KMT5B: variants seen among roughly 807,000 people sequenced by gnomAD.
The protein encoded by KMT5B is histone-lysine N-methyltransferase KMT5B.
KMT5B carries 10 observed loss-of-function variants against 83.2 expected under a neutral mutation model. The observed-to-expected ratio is 0.12, with a 90% CI of 0.07 to 0.20. KMT5B has a LOEUF of 0.20. Among genes scored for constraint, KMT5B ranks in the 10% least tolerant of loss-of-function variants. KMT5B has a pLI of 1.00. For synonymous variants in KMT5B, 349 were observed against 388.8 expected (o/e 0.90, Z 1.20); for missense variants, 753 against 1,067.2 (o/e 0.71, Z 4.10).
chr11:68,199,623 T>C (rs1859165555), intron 1 of KMT5B, among the ~76,000 whole-genome samples: 1 of 152,186 alleles, frequency 6.6e-6, no homozygotes, highest in Non-Finnish European at 1.5e-5. Flanking sequence ...TAAAGGACCA[T>C]GCTGGCAGCT....
intron 1 of KMT5B, among the ~76,000 whole-genome samples, chr11:68,200,676 A>G (rs1252799282): frequency 6.6e-6 from 1 of 152,200 alleles, no homozygotes; most frequent in Non-Finnish European, 1.5e-5. Context: ...CGCTTATAGG[A>G]TCTGTGTTAA....
At chr11:68,179,403 T>C (rs1856701233) in intron 4 of KMT5B, 4 of 1,249,426 alleles carry the variant, frequency 3.2e-6, no homozygotes, top group Non-Finnish European at 4.2e-6. Flanking sequence ...AAAATAAAAA[T>C]GTCATTTACA....
chr11:68,188,153 T>G (rs978339072), intron 2 of KMT5B, among the ~76,000 whole-genome samples: 1 of 148,178 alleles, frequency 6.7e-6, no homozygotes, highest in Non-Finnish European at 1.5e-5. Flanking sequence ...GCCTCACGAG[T>G]AGTTGGGACT....
intron 2 of KMT5B, among the ~76,000 whole-genome samples, chr11:68,187,722 A>T (rs1857572912): frequency 6.6e-6 from 1 of 152,192 alleles, no homozygotes; most frequent in Non-Finnish European, 1.5e-5. Flanking sequence ...TCCATTATTA[A>T]AAGTGGCGTA....
At chr11:68,211,246 C>A (rs948658565) in intron 1 of KMT5B, among the ~76,000 whole-genome samples, 5 of 152,178 alleles carry the variant, frequency 3.3e-5, no homozygotes, top group Non-Finnish European at 5.9e-5. Context: ...CGCTACCCTC[C>A]ATCCACCTCC....
chr11:68,187,270 T>G (rs1219279265), intron 2 of KMT5B, among the ~76,000 whole-genome samples: 3 of 152,324 alleles, frequency 2.0e-5, no homozygotes, highest in Non-Finnish European at 4.4e-5. Flanking sequence ...ACTGCTGGGA[T>G]TACAGGCGTG....
chr11:68,193,800 CTTT>C (rs35179552), intron 1 of KMT5B, among the ~76,000 whole-genome samples: 3 of 140,104 alleles, frequency 2.1e-5, no homozygotes, highest in Middle Eastern at 3.6e-3. Flanking sequence ...CAGCAGTATA[CTTT>C]TTTTTTTTTT....
Position 68,156,525 on chromosome 11 carries a change from C to A in KMT5B, c.*1163G>T, listed in dbSNP as rs1254088717. On this transcript the variant is annotated 3_prime_UTR_variant, in exon 11 of 11. Coordinates refer to ENST00000304363, the MANE Select transcript of KMT5B (RefSeq NM_017635.5). ...AACTAACATAAGCCAAGAACTCCCA[C>A]TGATGCAGTGCTTAAAACTATATAT... 6.6e-6 allele frequency: 1 copy of A among 152,636 alleles called. No individual in the cohort carries two copies. Among genetic ancestry groups the A allele is most frequent in the Admixed American group, 6.5e-5 (1 of 15,284 alleles). The allele number at this position is 152,636 out of a possible 1,614,324, so 9.5% of individuals were successfully genotyped here.
In KMT5B at chr11:68,156,838, GAACCAAA is replaced by G. The variant is rs1859329619; in HGVS notation, c.*843_*849del. 1 of 152,530 alleles carries G rather than the reference GAACCAAA, an allele frequency of 6.6e-6. No homozygotes were observed. The highest frequency in any genetic ancestry group is 1.5e-5 in the Non-Finnish European group (1 of 68,014). The allele number at this position is 152,530 out of a possible 1,614,324, so 9.4% of individuals were successfully genotyped here. A position where few individuals can be genotyped will look rare whatever the true frequency, so the allele number is the denominator to read the frequency against. Reference sequence around the variant, plus strand: ...TTACAAGTGCAACAGAAAACTTGAAGAACCAAATTAAGATAGCTGTAGTTCATTAGAT... The same window carrying G: ...TTACAAGTGCAACAGAAAACTTGAAGTTAAGATAGCTGTAGTTCATTAGAT... On this transcript the variant is annotated 3_prime_UTR_variant, in exon 11 of 11. Coordinates refer to ENST00000304363, the MANE Select transcript of KMT5B (RefSeq NM_017635.5).
At chr11:68,207,469 G>C (rs1293941828) in intron 1 of KMT5B, among the ~76,000 whole-genome samples, 2 of 152,042 alleles carry the variant, frequency 1.3e-5, no homozygotes, top group Non-Finnish European at 2.9e-5. Flanking sequence ...AGTCCAGGCT[G>C]AGAGACTGTG....
Position 68,158,951 on chromosome 11 carries a change from A to G in KMT5B, c.1395T>C (p.Asn465=). 6.2e-7 allele frequency: 1 copy of G among 1,613,638 alleles called. No individual in the cohort carries two copies. Among genetic ancestry groups the G allele is most frequent in the Non-Finnish European group, 8.5e-7 (1 of 1,179,938 alleles). Residue 465 remains asparagine, a synonymous_variant, in exon 11 of 11, where the codon AAT becomes AAC. Coordinates refer to ENST00000304363, the MANE Select transcript of KMT5B (RefSeq NM_017635.5). ...TTCCCATTTCGAGTTTTCTTGAAGC[A>G]TTCTTTTGCTCCAGCCGCTTGCAAT... ...RNHCKRLEQK[N]ASRKLEMGNL...
chr11:68,160,977 C>T (rs1436092396), intron 10 of KMT5B, among the ~76,000 whole-genome samples: 6 of 152,080 alleles, frequency 3.9e-5, no homozygotes, highest in African/African-American at 4.8e-5. Context: ...AGGTCCTGCA[C>T]GCACAGACTG....
intron 4 of KMT5B, among the ~76,000 whole-genome samples, chr11:68,178,893 C>T (rs1277157224): frequency 6.6e-6 from 1 of 152,124 alleles, no homozygotes; most frequent in Non-Finnish European, 1.5e-5. Context: ...CTGCATAAAA[C>T]TATCCTTTTA....
intron 1 of KMT5B, among the ~76,000 whole-genome samples, chr11:68,206,094 AG>A (rs1565263852): frequency 2.6e-5 from 4 of 152,346 alleles, no homozygotes; most frequent in African/African-American, 9.6e-5. Context: ...TCATCTCAGT[AG>A]TTATTTTAAA....
At position 68,201,579 on chromosome 11, in the gene KMT5B, T is replaced by TA. The variant is rs397978115; in HGVS notation, c.-76-11428dup. ...TAATATCCTAAAAACAAACTAAGAT[T>TA]AAAAAAAAAATCTGTCAAAAAAGTT... is the stretch of plus-strand genomic sequence containing the variant. On this transcript the variant is annotated intron_variant, in intron 1 of 10. Transcript: ENST00000304363. Among the ~76,000 whole-genome samples, 1,109 of 149,274 alleles carry TA rather than the reference T, an allele frequency of 7.4e-3. 14 individuals carry two copies. The highest frequency in any genetic ancestry group is 0.025 in the African/African-American group (1,036 of 40,768).
In KMT5B at chr11:68,156,926, CCAAT is replaced by C. The variant is rs568365204; in HGVS notation, c.*758_*761del. On this transcript the variant is annotated 3_prime_UTR_variant, in exon 11 of 11. Transcript: ENST00000304363. ...CAGCAAATTTTTGAAAAAATAAGCA[CCAAT>C]CATTCTTGCAAAGAACAATTTTATC... is the stretch of plus-strand genomic sequence containing the variant. 8 of 152,540 alleles carry C rather than the reference CCAAT, an allele frequency of 5.2e-5. No homozygotes were observed. The East Asian group carries it at 9.6e-4, about 18-fold the overall frequency. The allele number at this position is 152,540 out of a possible 1,614,324, so 9.4% of individuals were successfully genotyped here.
intron 1 of KMT5B, among the ~76,000 whole-genome samples, chr11:68,196,260 T>C (rs1454763466): frequency 2.0e-5 from 3 of 152,034 alleles, no homozygotes; most frequent in South Asian, 2.1e-4. Context: ...CACCATCTCT[T>C]TGCCTAATTC....
chr11:68,187,338 T>C (rs1857534781), intron 2 of KMT5B, among the ~76,000 whole-genome samples: 1 of 152,320 alleles, frequency 6.6e-6, no homozygotes, highest in South Asian at 2.1e-4. Flanking sequence ...TAAATTTCCC[T>C]CTAAACCACC....
intron 1 of KMT5B, among the ~76,000 whole-genome samples, chr11:68,201,290 TTTAC>T (rs1277610927): frequency 6.6e-6 from 1 of 152,206 alleles, no homozygotes; most frequent in Non-Finnish European, 1.5e-5. Flanking sequence ...AGTGAACCTA[TTTAC>T]TTATAATCAG....
Sources: allele counts gnomAD v4.1 joint callset (sites outside exome capture counted in the v4.1 genomes callset), GRCh38; gene constraint gnomAD v4.1.1; transcripts MANE v1.5; gene names NCBI Gene and HGNC (gene_info 2026-07-23, HGNC 2026-07-21).